FBXL19: variants seen among roughly 807,000 people sequenced by gnomAD.
FBXL19 encodes the protein F-box/LRR-repeat protein 19.
FBXL19 carries 16 observed loss-of-function variants against 71.2 expected under a neutral mutation model. The observed-to-expected ratio is 0.22, with a 90% CI of 0.15 to 0.34. The LOEUF is 0.34. FBXL19 is among the 10% of genes least tolerant of loss of function. FBXL19 has a pLI of 1.00. For missense variants in FBXL19, 658 were observed against 968.2 expected (o/e 0.68, Z 4.25); for synonymous variants, 447 against 409.4 (o/e 1.09, Z -1.11).
intron 1 of FBXL19, chr16:30,924,669 C>T (rs916222553): frequency 9.8e-5 from 140 of 1,434,214 alleles, no homozygotes; most frequent in Non-Finnish European, 1.1e-4. Flanking sequence ...CCCCCACCCC[C>T]GCCTGCAGTC....
rs779998279 is a variant in FBXL19 at position 30,947,259 on chromosome 16, C to T, written c.*29C>T. ...GGCGCCCCCCACCCTCCCCCGGACTCGACAGGAGCCTGGACCTCCGGCTTC... is the reference window on the plus strand; with the variant it reads ...GGCGCCCCCCACCCTCCCCCGGACTTGACAGGAGCCTGGACCTCCGGCTTC... On this transcript the variant is annotated 3_prime_UTR_variant, in exon 11 of 11. Coordinates refer to ENST00000338343, the MANE Select transcript of FBXL19 (RefSeq NM_001382779.1). 3.9e-6 allele frequency: 6 copies of T among 1,522,732 alleles called. No individual in the cohort carries two copies. Among genetic ancestry groups the T allele is most frequent in the East Asian group, 4.6e-5 (2 of 43,242 alleles). The allele number at this position is 1,522,732 out of a possible 1,614,324, so 94.3% of individuals were successfully genotyped here.
In FBXL19 at chr16:30,946,279, C is replaced by G. The variant is rs887004495; in HGVS notation, c.1628-451C>G. On this transcript the variant is annotated intron_variant, in intron 9 of 10. Coordinates refer to ENST00000338343, the MANE Select transcript of FBXL19 (RefSeq NM_001382779.1). The surrounding 1 kb of genome is among the most constrained non-coding windows in gnomAD (Gnocchi z 6.7). ...GGTGCAGTGGCACAATCGTGGCTCA[C>G]TGCAACCTCCACCTCTCGGGTTCAA... 2.0e-5 allele frequency among the ~76,000 whole-genome samples: 3 copies of G among 152,196 alleles called. No individual in the cohort carries two copies. The highest frequency in any genetic ancestry group is 7.2e-5 in the African/African-American group (3 of 41,442).
At chr16:30,928,112 G>A (rs543267978) in intron 5 of FBXL19, 149 bp downstream of exon 5, 7 of 618,446 alleles carry the variant, frequency 1.1e-5, no homozygotes, top group South Asian at 1.1e-4. Context: ...AGTTGGGTGG[G>A]GGGAGGATAG....
intron 1 of FBXL19, chr16:30,924,694 C>A: frequency 6.7e-7 from 1 of 1,481,644 alleles, no homozygotes. Context: ...CCCTCCAGGC[C>A]CCTCCCCTGG....
At chr16:30,935,969 GC>G in intron 7 of FBXL19, among the ~76,000 whole-genome samples, 1 of 152,212 alleles carries the variant, frequency 6.6e-6, no homozygotes, top group African/African-American at 2.4e-5. Context: ...GCTCCCTGTC[GC>G]CCTCACAACA....
In FBXL19 at chr16:30,946,762, G is replaced by A. The variant is rs375493822; in HGVS notation, c.1660G>A (p.Val554Met). 1 of 1,613,292 alleles carries A rather than the reference G, an allele frequency of 6.2e-7. No homozygotes were observed. The highest frequency in any genetic ancestry group is 1.3e-5 in the African/African-American group (1 of 74,906). ...QTESRGRLQGVAELRLAGLEL... is the reference protein window; with the variant it reads ...QTESRGRLQGMAELRLAGLEL... The stretch of plus-strand genomic sequence containing the variant: ...AGAGAGCCGTGGTCGGCTGCAGGGG[G>A]TGGCAGAACTGCGTCTGGCAGGTTT... Residue 554 changes from valine to methionine, a missense_variant, in exon 10 of 11, where the codon GTG becomes ATG. Physicochemically the swap from Val to Met is conservative, Grantham distance 21. This residue lies in a region of FBXL19 where 25 missense variants were observed against 25.0 expected (regional missense o/e 1.00). Coordinates refer to ENST00000338343, the MANE Select transcript of FBXL19 (RefSeq NM_001382779.1). This position sits in a 1 kb window ranked among gnomAD's most constrained non-coding sequence, Gnocchi z 6.7.
chr16:30,946,947 T>C lies in FBXL19; in HGVS notation c.1845T>C (p.Ala615=). 1.2e-6 allele frequency: 2 copies of C among 1,605,638 alleles called. No individual in the cohort carries two copies. Among genetic ancestry groups the C allele is most frequent in the Middle Eastern group, 1.7e-4 (1 of 6,044 alleles). Residue 615 remains alanine, a splice_region_variant and synonymous_variant, in exon 10 of 11, where the codon GCT becomes GCC. Transcript: ENST00000338343. This position sits in a 1 kb window ranked among gnomAD's most constrained non-coding sequence, Gnocchi z 6.7. The part of the protein sequence containing the change: ...LRETLVHLNL[A]GCHRLTDHCL... ...AGACCCTGGTGCACCTCAATCTTGC[T>C]GGTAAGCACGGTCCCCCATCCGTCC...
chr16:30,927,109 C>G (rs1248738422), intron 2 of FBXL19, among the ~76,000 whole-genome samples, 199 bp from the exon 3 acceptor site: 2 of 152,226 alleles, frequency 1.3e-5, no homozygotes, highest in Non-Finnish European at 2.9e-5. Context: ...CCCCATTCTG[C>G]AGATGCAGAA....
chr16:30,927,252 G>C, intron 2 of FBXL19, 56 bp from the exon 3 acceptor site: 2 of 1,498,454 alleles, frequency 1.3e-6, no homozygotes, highest in Non-Finnish European at 1.8e-6. Flanking sequence ...TAGAAGGAAG[G>C]GTCTTTCCCC....
Position 30,927,887 on chromosome 16 carries a change from C to A in FBXL19, c.551C>A (p.Pro184His). ...RRKGPLPAGP[P>H]PEDVPGPPKR... ...AAGGGCCCCCTGCCTGCCGGGCCCC[C>A]CCCGGAGGACGTGCCTGGGCCCCCC... Residue 184 changes from proline (P) to histidine (H), a missense_variant, in exon 5 of 11, where the codon CCC (proline) becomes CAC (histidine). Coordinates refer to ENST00000338343, the MANE Select transcript of FBXL19 (RefSeq NM_001382779.1). The A allele has an allele frequency of 6.5e-7, 1 of 1,529,842 alleles. No homozygotes were observed. Among genetic ancestry groups the A allele is most frequent in the East Asian group, 2.4e-5 (1 of 41,372 alleles). 94.8% of individuals were successfully genotyped at this position (1,529,842 alleles called of 1,614,324 possible). A position where few individuals can be genotyped will look rare whatever the true frequency, so the allele number is the denominator to read the frequency against.
In FBXL19 at chr16:30,925,814, C is replaced by A; in HGVS notation, c.60C>A (p.Arg20=). The A allele has an allele frequency of 6.7e-7, 1 of 1,499,262 alleles. No homozygotes were observed. The highest frequency in any genetic ancestry group is 8.9e-7 in the Non-Finnish European group (1 of 1,126,796). 92.9% of individuals were successfully genotyped at this position (1,499,262 alleles called of 1,614,324 possible). A position where few individuals can be genotyped will look rare whatever the true frequency, so the allele number is the denominator to read the frequency against. The change falls in exon 2 of 11, where the codon CGC becomes CGA. Residue 20 remains arginine, a synonymous_variant. Coordinates refer to ENST00000338343, the MANE Select transcript of FBXL19 (RefSeq NM_001382779.1). The surrounding 1 kb of genome is among the most constrained non-coding windows in gnomAD (Gnocchi z 5.0). Reference sequence around the variant, plus strand: ...CGCGCCGACGCCGAACCCGCTGCCGCCGCTGCCGGGCCTGTGTGCGAACTG... The same window carrying A: ...CGCGCCGACGCCGAACCCGCTGCCGACGCTGCCGGGCCTGTGTGCGAACTG... ...AGARRRRTRC[R]RCRACVRTEC... is the part of the protein sequence containing the mutation.
intron 1 of FBXL19, chr16:30,924,894 G>A: frequency 1.5e-6 from 1 of 679,554 alleles, no homozygotes; most frequent in Non-Finnish European, 2.2e-6. Context: ...AGCCCGGGAA[G>A]CTGGGGGTCC....
At position 30,947,806 on chromosome 16, in the gene FBXL19, A is replaced by G. The variant is rs2055878030; in HGVS notation, c.*576A>G. 1 of 438,370 alleles carries G rather than the reference A, an allele frequency of 2.3e-6. No individual in the cohort carries two copies. The highest frequency in any genetic ancestry group is 4.6e-6 in the Non-Finnish European group (1 of 218,778). 27.2% of individuals were successfully genotyped at this position (438,370 alleles called of 1,614,324 possible). On this transcript the variant is annotated 3_prime_UTR_variant, in exon 11 of 11. Transcript: ENST00000338343. Reference sequence around the variant, plus strand: ...GATGAGAGCAGGTGTGGGGACAGCAATACCCCCTTGGGGGTCACCTCTCTG... The same window carrying G: ...GATGAGAGCAGGTGTGGGGACAGCAGTACCCCCTTGGGGGTCACCTCTCTG...
chr16:30,945,905 T>C (rs1375973008), intron 9 of FBXL19, among the ~76,000 whole-genome samples: 1 of 127,832 alleles, frequency 7.8e-6, no homozygotes, highest in Admixed American at 7.6e-5. Flanking sequence ...AAAATGCATA[T>C]AATATGTCAA....
At chr16:30,945,536 G>A (rs750667056) in intron 9 of FBXL19, among the ~76,000 whole-genome samples, 1 of 151,742 alleles carries the variant, frequency 6.6e-6, no homozygotes, top group Non-Finnish European at 1.5e-5. Context: ...GGTGGCAAAT[G>A]CTTTTAATCC....
upstream of FBXL19, chr16:30,923,312 C>A: frequency 2.3e-6 from 1 of 425,606 alleles, no homozygotes; most frequent in Non-Finnish European, 4.8e-6. Context: ...TAACTCCCGG[C>A]ATCCTCGGCT....
intron 7 of FBXL19, among the ~76,000 whole-genome samples, chr16:30,936,601 CTTTTTTTTTT>C (rs547272418): frequency 4.2e-5 from 5 of 118,194 alleles, no homozygotes; most frequent in Admixed American, 3.5e-4. Context: ...AATTTTTTTT[CTTTTTTTTTT>C]TTTTTTTTTG....
intron 5 of FBXL19, among the ~76,000 whole-genome samples, chr16:30,928,228 G>C (rs1274482818): frequency 6.6e-6 from 1 of 152,062 alleles, no homozygotes; most frequent in Non-Finnish European, 1.5e-5. Flanking sequence ...AGCATGCTCA[G>C]ATCATCCCTG....
intron 7 of FBXL19, among the ~76,000 whole-genome samples, chr16:30,937,636 T>C (rs1228960343): frequency 6.6e-6 from 1 of 152,128 alleles, no homozygotes; most frequent in African/African-American, 2.4e-5. Context: ...TGTGGGAGAC[T>C]TCCTGGAAGA....
Sources: allele counts gnomAD v4.1 joint callset (sites outside exome capture counted in the v4.1 genomes callset), GRCh38; gene constraint gnomAD v4.1.1; regional missense constraint gnomAD v4.1.1; non-coding constraint Gnocchi (gnomAD v3.1); transcripts MANE v1.5; gene names NCBI Gene and HGNC (gene_info 2026-07-23, HGNC 2026-07-21).